Variants in KDELR3 observed in about 807,000 individuals in gnomAD.
KDELR3 encodes KDEL endoplasmic reticulum protein retention receptor 3, also known as ER lumen protein-retaining receptor 3.
In KDELR3, 26 loss-of-function variants were observed where a neutral mutation model predicts 22.7. The observed-to-expected ratio is 1.15, with a 90% CI of 0.84 to 1.59. The LOEUF is 1.59. KDELR3 is among the 40% of genes most tolerant of loss of function. The pLI is 0.00. For missense variants in KDELR3, 289 were observed against 251.1 expected (o/e 1.15, Z -1.02); for synonymous variants, 120 against 98.2 (o/e 1.22, Z -1.31).
chr22:38,471,467 C>T (rs1052214614), intron 1 of KDELR3, among the ~76,000 whole-genome samples: 4 of 152,160 alleles, frequency 2.6e-5, no homozygotes, highest in African/African-American at 4.8e-5. Flanking sequence ...GCCCTCACCC[C>T]GGCTAGTGCA....
At position 38,468,278 on chromosome 22, in the gene KDELR3, C is replaced by G. The variant is rs1602654871; in HGVS notation, c.45C>G (p.Ala15=). The G allele has an allele frequency of 1.9e-5, 30 of 1,613,856 alleles. No individual in the cohort carries two copies. The highest frequency in any genetic ancestry group is 2.5e-5 in the Non-Finnish European group (30 of 1,179,940). Residue 15 remains alanine, a synonymous_variant, in exon 1 of 5, where the codon GCC becomes GCG. Transcript: ENST00000216014. ...RILGDLSHLL[A]MILLLGKIWR... ...TCGGCGACCTGAGCCACCTCCTGGCCATGATCTTGCTGCTGGGGAAGATCT... is the reference window on the plus strand; with the variant it reads ...TCGGCGACCTGAGCCACCTCCTGGCGATGATCTTGCTGCTGGGGAAGATCT...
At chr22:38,480,223 A>G (rs540388403) in intron 3 of KDELR3, among the ~76,000 whole-genome samples, 2 of 152,232 alleles carry the variant, frequency 1.3e-5, no homozygotes, top group African/African-American at 4.8e-5. Flanking sequence ...AGCTCACTGC[A>G]ACCTCTGCCT....
intron 4 of KDELR3, 167 bp downstream of exon 4, chr22:38,481,631 A>C: frequency 4.1e-6 from 6 of 1,469,078 alleles, no homozygotes; most frequent in Non-Finnish European, 4.5e-6. Flanking sequence ...CAAATGCCAT[A>C]AAAACATGCA....
At chr22:38,482,062 TTC>T (rs1261301583) in intron 4 of KDELR3, among the ~76,000 whole-genome samples, 1 of 152,160 alleles carries the variant, frequency 6.6e-6, no homozygotes, top group African/African-American at 2.4e-5. Flanking sequence ...TTGCACTACA[TTC>T]TGATTGCCAA....
At chr22:38,478,214 C>T (rs62228895) in intron 2 of KDELR3, among the ~76,000 whole-genome samples, 3,915 of 151,852 alleles carry the variant, frequency 0.026, 74 homozygotes, top group Middle Eastern at 0.048. Flanking sequence ...GGTCCTGCTC[C>T]GGCAGTATCA....
chr22:38,468,600 A>G lies in KDELR3; in HGVS notation c.91+276A>G, dbSNP rs562697504. 1.0e-3 allele frequency among the ~76,000 whole-genome samples: 158 copies of G among 152,196 alleles called. 2 individuals carry two copies. Among genetic ancestry groups the G allele is most frequent in the African/African-American group, 3.6e-3 (149 of 41,528 alleles). ...ACTGCTGGTTGGAAGAGGGGGTTAT[A>G]AGGGAGGTGACAACCCCTCCCTCCC... On this transcript the variant is annotated intron_variant, in intron 1 of 4. Coordinates refer to ENST00000216014, the MANE Select transcript of KDELR3 (RefSeq NM_006855.4).
chr22:38,473,614 C>T (rs565128279), intron 1 of KDELR3, among the ~76,000 whole-genome samples: 1 of 152,292 alleles, frequency 6.6e-6, no homozygotes, highest in African/African-American at 2.4e-5. Flanking sequence ...ATCTTTGCAT[C>T]TTTGTATATT....
chr22:38,482,391 A>T, intron 4 of KDELR3, 105 bp from the exon 5 acceptor site: 1 of 926,082 alleles, frequency 1.1e-6, no homozygotes, highest in Non-Finnish European at 1.8e-6. Flanking sequence ...TCGAACATAT[A>T]CTGTGAGCCG....
Position 38,468,233 on chromosome 22 carries a change from C to G in KDELR3, c.-1C>G. ...CGGGCGCACGACTGACTGGCTGGAC[C>G]ATGAACGTGTTCCGAATCCTCGGCG... On this transcript the variant is annotated 5_prime_UTR_variant, in exon 1 of 5. Coordinates refer to ENST00000216014, the MANE Select transcript of KDELR3 (RefSeq NM_006855.4). 6.2e-7 allele frequency: 1 copy of G among 1,613,700 alleles called. No individual in the cohort carries two copies. The highest frequency in any genetic ancestry group is 8.5e-7 in the Non-Finnish European group (1 of 1,179,858).
rs2089611828 is a variant in KDELR3 at position 38,482,537 on chromosome 22, G to C, written c.*1G>C. The stretch of plus-strand genomic sequence containing the variant: ...GTTAAGTCTTCCAATGCCAATCTGA[G>C]GACCTTCAGAGACAGTCTACGCCTT... On this transcript the variant is annotated 3_prime_UTR_variant, in exon 5 of 5. Coordinates refer to ENST00000216014, the MANE Select transcript of KDELR3 (RefSeq NM_006855.4). 7.4e-6 allele frequency: 12 copies of C among 1,610,924 alleles called. No individual in the cohort carries two copies. Among genetic ancestry groups the C allele is most frequent in the Non-Finnish European group, 9.3e-6 (11 of 1,177,200 alleles).
At chr22:38,472,761 A>G (rs2089533101) in intron 1 of KDELR3, among the ~76,000 whole-genome samples, 1 of 152,018 alleles carries the variant, frequency 6.6e-6, no homozygotes, top group Non-Finnish European at 1.5e-5. Context: ...GTGCAATGGC[A>G]CGATCTCGGC....
chr22:38,482,858 T>G lies in KDELR3; in HGVS notation c.*322T>G, dbSNP rs2089615012. 1 of 318,610 alleles carries G rather than the reference T, an allele frequency of 3.1e-6. No individual in the cohort carries two copies. Among genetic ancestry groups the G allele is most frequent in the South Asian group, 7.1e-5 (1 of 14,036 alleles). 19.7% of individuals were successfully genotyped at this position (318,610 alleles called of 1,614,324 possible). A position where few individuals can be genotyped will look rare whatever the true frequency, so the allele number is the denominator to read the frequency against. On this transcript the variant is annotated 3_prime_UTR_variant, in exon 5 of 5. Coordinates refer to ENST00000216014, the MANE Select transcript of KDELR3 (RefSeq NM_006855.4). ...CTCCAAGGCCTGAGGGCAAGACTCA[T>G]GATGAGCAAGTCAACCCCAATCTGG...
intron 1 of KDELR3, among the ~76,000 whole-genome samples, chr22:38,470,268 C>T (rs780595371): frequency 3.3e-5 from 5 of 151,880 alleles, no homozygotes; most frequent in Non-Finnish European, 4.4e-5. Context: ...GGATTACAGA[C>T]GCCCGCCATC....
intron 2 of KDELR3, among the ~76,000 whole-genome samples, chr22:38,477,109 C>T (rs544098544): frequency 3.1e-4 from 38 of 122,564 alleles, no homozygotes; most frequent in African/African-American, 7.0e-4. Context: ...TTAATAAAGA[C>T]GGGGTTTCAC....
rs1019858724 is a variant in KDELR3, at chr22:38,482,923, A to G, written c.*387A>G. ...TCTTAGAATGTCCCAACTAAAGACCAGTTAAAATATTAGGGTACGTTCTTG... is the reference window on the plus strand; with the variant it reads ...TCTTAGAATGTCCCAACTAAAGACCGGTTAAAATATTAGGGTACGTTCTTG... On this transcript the variant is annotated 3_prime_UTR_variant, in exon 5 of 5. Coordinates refer to ENST00000216014, the MANE Select transcript of KDELR3 (RefSeq NM_006855.4). 3.0e-5 allele frequency: 6 copies of G among 199,032 alleles called. No homozygotes were observed. The highest frequency in any genetic ancestry group is 1.4e-4 in the African/African-American group (6 of 43,160). 12.3% of individuals were successfully genotyped at this position (199,032 alleles called of 1,614,324 possible). A position where few individuals can be genotyped will look rare whatever the true frequency, so the allele number is the denominator to read the frequency against.
At chr22:38,469,148 G>A (rs376011677) in intron 1 of KDELR3, among the ~76,000 whole-genome samples, 113 of 152,346 alleles carry the variant, frequency 7.4e-4, no homozygotes, top group African/African-American at 2.7e-3. Flanking sequence ...CTCCGTGCTG[G>A]TCCCGGAGGA....
chr22:38,478,343 C>G (rs182719997), intron 2 of KDELR3, among the ~76,000 whole-genome samples: 2 of 151,506 alleles, frequency 1.3e-5, no homozygotes, highest in Non-Finnish European at 2.9e-5. Context: ...GTGAGGAGTT[C>G]GAGACAAGCC....
intron 1 of KDELR3, among the ~76,000 whole-genome samples, chr22:38,471,179 A>G (rs1354726158): frequency 2.0e-5 from 3 of 152,130 alleles, no homozygotes; most frequent in African/African-American, 7.2e-5. Context: ...ACTGAAGATC[A>G]CAAGGGTTCC....
chr22:38,476,076 C>T (rs923260581), intron 2 of KDELR3, among the ~76,000 whole-genome samples: 8 of 152,016 alleles, frequency 5.3e-5, no homozygotes, highest in Admixed American at 2.0e-4. Context: ...ACTACAGGCA[C>T]GCACCACCAT....
Sources: gnomAD v4.1 joint callset for allele counts (sites outside exome capture counted in the v4.1 genomes callset) on GRCh38, gnomAD v4.1.1 for gene constraint, MANE v1.5 for transcripts, NCBI Gene and HGNC (gene_info 2026-07-23, HGNC 2026-07-21) for gene names.